TASP1: variants seen among roughly 807,000 people sequenced by gnomAD.
The protein encoded by TASP1 is taspase 1.
Under a neutral mutation model 56.6 loss-of-function variants are expected in TASP1, and 16 were observed. The observed-to-expected ratio is 0.28, with a 90% CI of 0.19 to 0.43. TASP1 has a LOEUF of 0.43. Among genes scored for constraint, TASP1 ranks in the 20% least tolerant of loss-of-function variants. The pLI is 1.00. For missense variants in TASP1, 393 were observed against 511.6 expected, an observed-to-expected ratio of 0.77 and a Z score of 2.24; for synonymous variants, 179 against 184.2, an observed-to-expected ratio of 0.97 and a Z score of 0.23.
the TASP1 span, among the ~76,000 whole-genome samples, chr20:13,370,319 A>G: frequency 8.5e-5 from 13 of 152,136 alleles, no homozygotes; most frequent in African/African-American, 3.1e-4. Flanking sequence ...GTAAACCAAT[A>G]AAAACAAAAC....
At chr20:13,247,920 C>A in the TASP1 span, among the ~76,000 whole-genome samples, 3 of 152,148 alleles carry the variant, frequency 2.0e-5, no homozygotes, top group Admixed American at 6.5e-5. Flanking sequence ...GACATTCATG[C>A]AACAGGAGTG....
the TASP1 span, among the ~76,000 whole-genome samples, chr20:13,360,686 A>T: frequency 6.6e-6 from 1 of 152,178 alleles, no homozygotes; most frequent in East Asian, 1.9e-4. Context: ...TAACTTCCAA[A>T]ATCTATTTTC....
chr20:13,107,491 A>G, the TASP1 span, among the ~76,000 whole-genome samples: 2 of 152,232 alleles, frequency 1.3e-5, no homozygotes, highest in East Asian at 3.8e-4. Context: ...CAAGTAGAAC[A>G]AGAACTGAAG....
chr20:13,193,562 A>G, the TASP1 span, among the ~76,000 whole-genome samples: 1 of 152,226 alleles, frequency 6.6e-6, no homozygotes, highest in African/African-American at 2.4e-5. Flanking sequence ...ACTAGTTAGA[A>G]ATGCATTCGG....
intron 9 of TASP1, among the ~76,000 whole-genome samples, chr20:13,532,146 T>A (rs1165363059): frequency 6.6e-6 from 1 of 152,160 alleles, no homozygotes; most frequent in Non-Finnish European, 1.5e-5. Context: ...TGACCTCAAC[T>A]GATCTGCCCA....
chr20:13,565,451 G>A lies in TASP1; in HGVS notation c.568+4056C>T, dbSNP rs77703566. Among the ~76,000 whole-genome samples the A allele has an allele frequency of 7.0e-3, 1,066 of 152,150 alleles. 11 individuals are homozygous for A. The highest frequency in any genetic ancestry group is 0.024 in the African/African-American group (1,005 of 41,512). On this transcript the variant is annotated intron_variant, in intron 7 of 13. Transcript: ENST00000337743. The stretch of plus-strand genomic sequence containing the variant: ...GGATAAGATATTTGCAAGTCATATC[G>A]GATAAGTGTTAACATCCAGAACATA...
chr20:13,124,475 G>GA, the TASP1 span, among the ~76,000 whole-genome samples: 1 of 151,654 alleles, frequency 6.6e-6, no homozygotes, highest in Admixed American at 6.6e-5. Context: ...GAAGGGGAAG[G>GA]AAGGAAGCTA....
At chr20:13,493,109 C>T (rs527428040) in intron 10 of TASP1, among the ~76,000 whole-genome samples, 339 of 152,050 alleles carry the variant, frequency 2.2e-3, no homozygotes, top group Non-Finnish European at 4.0e-3. Flanking sequence ...GTTTTATGAA[C>T]GCAAATACTT....
At chr20:13,298,079 A>T in the TASP1 span, among the ~76,000 whole-genome samples, 57 of 152,040 alleles carry the variant, frequency 3.7e-4, 1 homozygote, top group Admixed American at 3.5e-3. Context: ...ATTTCTTTAT[A>T]TTTTTATTTT....
the TASP1 span, among the ~76,000 whole-genome samples, chr20:13,311,194 C>CA: frequency 5.7e-5 from 7 of 122,136 alleles, no homozygotes; most frequent in African/African-American, 1.3e-4. Context: ...AACTCCATCT[C>CA]AAAAAAATAG....
the TASP1 span, among the ~76,000 whole-genome samples, chr20:13,250,349 A>G: frequency 1.2e-4 from 18 of 152,326 alleles, no homozygotes; most frequent in East Asian, 3.3e-3. Context: ...GATAAGGCTC[A>G]GAGTCGATTC....
chr20:13,109,969 TC>T, the TASP1 span: 1 of 618,288 alleles, frequency 1.6e-6, no homozygotes, highest in Non-Finnish European at 2.7e-6. Flanking sequence ...TCTGTCTCTC[TC>T]TCCCTAAGGG....
At chr20:13,364,261 A>C in the TASP1 span, among the ~76,000 whole-genome samples, 7 of 152,220 alleles carry the variant, frequency 4.6e-5, no homozygotes, top group Non-Finnish European at 1.0e-4. Context: ...ATTTAAATAA[A>C]GAATTCCCAT....
the TASP1 span, among the ~76,000 whole-genome samples, chr20:13,184,636 T>C: frequency 6.6e-6 from 1 of 152,234 alleles, no homozygotes; most frequent in East Asian, 1.9e-4. Context: ...ATTCTTTCCC[T>C]TCCTTTGACT....
At chr20:13,589,601 TA>T (rs1404483341) in intron 4 of TASP1, among the ~76,000 whole-genome samples, 1 of 152,032 alleles carries the variant, frequency 6.6e-6, no homozygotes. Context: ...AAAAACTAGG[TA>T]AATAGGACTT....
the TASP1 span, among the ~76,000 whole-genome samples, chr20:13,151,775 TG>T: frequency 6.6e-6 from 1 of 152,182 alleles, no homozygotes; most frequent in Non-Finnish European, 1.5e-5. Context: ...AAATGTTAGA[TG>T]TCTGGGTAAA....
At chr20:13,489,329 CA>C (rs1347493109) in intron 10 of TASP1, among the ~76,000 whole-genome samples, 2 of 152,150 alleles carry the variant, frequency 1.3e-5, no homozygotes, top group Non-Finnish European at 2.9e-5. Context: ...TAGGCAACTA[CA>C]AGGGGCCTGT....
chr20:13,222,981 G>C, the TASP1 span, among the ~76,000 whole-genome samples: 2 of 152,048 alleles, frequency 1.3e-5, no homozygotes, highest in African/African-American at 2.4e-5. Flanking sequence ...TGGCCGACAT[G>C]GTGAAACCCC....
At chr20:13,487,833 C>T (rs1222533985) in intron 10 of TASP1, among the ~76,000 whole-genome samples, 1 of 152,104 alleles carries the variant, frequency 6.6e-6, no homozygotes, top group East Asian at 1.9e-4. Flanking sequence ...ATATTTTAGG[C>T]TTTGAATGCT....
Sources: gnomAD v4.1 joint callset for allele counts (sites outside exome capture counted in the v4.1 genomes callset) on GRCh38, gnomAD v4.1.1 for gene constraint, MANE v1.5 for transcripts, NCBI Gene and HGNC (gene_info 2026-07-23, HGNC 2026-07-21) for gene names.